The following SAMD5 variants were observed in gnomAD, a reference collection of about 807,000 sequenced individuals.
The protein encoded by SAMD5 is sterile alpha motif domain-containing protein 5.
Under a neutral mutation model 11.3 loss-of-function variants are expected in SAMD5, and 13 were observed. That is an observed-to-expected ratio of 1.15 (90% CI 0.75 to 1.83). The LOEUF is 1.83. SAMD5 is among the 40% of genes most tolerant of loss of function. SAMD5 has a pLI of 0.00. For missense variants in SAMD5, 255 were observed against 239.1 expected, an observed-to-expected ratio of 1.07 and a Z score of -0.44; for synonymous variants, 129 against 111.3, an observed-to-expected ratio of 1.16 and a Z score of -1.00.
chr6:147,652,254 G>T (rs1388677400), intron 1 of SAMD5, among the ~76,000 whole-genome samples: 1 of 150,588 alleles, frequency 6.6e-6, no homozygotes, highest in Non-Finnish European at 1.5e-5. Context: ...TCCAAATATT[G>T]CCTCTGGTTT....
intron 1 of SAMD5, among the ~76,000 whole-genome samples, chr6:147,523,024 G>A (rs139808928): frequency 6.6e-6 from 1 of 152,190 alleles, no homozygotes; most frequent in East Asian, 1.9e-4. Context: ...ATTCCTCCCA[G>A]GTTCTGGAAT....
At chr6:147,822,212 G>T in the SAMD5 span, among the ~76,000 whole-genome samples, 1 of 152,156 alleles carries the variant, frequency 6.6e-6, no homozygotes, top group Non-Finnish European at 1.5e-5. Context: ...GTCCAAACTG[G>T]TGTAATTCTT....
intron 1 of SAMD5, among the ~76,000 whole-genome samples, chr6:147,523,780 T>G (rs1227235874): frequency 2.0e-5 from 3 of 152,338 alleles, no homozygotes; most frequent in East Asian, 3.9e-4. Flanking sequence ...GATAATTTGC[T>G]AATCTGTTAA....
At chr6:147,828,569 C>A in the SAMD5 span, among the ~76,000 whole-genome samples, 1 of 152,144 alleles carries the variant, frequency 6.6e-6, no homozygotes, top group African/African-American at 2.4e-5. Context: ...AACCTCTGAG[C>A]CTATGTCTTC....
chr6:147,741,566 G>A (rs1475446055), downstream of SAMD5: 1 of 152,224 alleles, frequency 6.6e-6, no homozygotes, highest in East Asian at 1.9e-4. Flanking sequence ...CGTGAATGCT[G>A]GTTTTGAATG....
intron 1 of SAMD5, among the ~76,000 whole-genome samples, chr6:147,705,194 G>T (rs1791308941): frequency 1.3e-5 from 2 of 152,118 alleles, no homozygotes; most frequent in Non-Finnish European, 2.9e-5. Flanking sequence ...TTCTTCTCCT[G>T]TATAAAAACC....
At chr6:147,790,748 CTCTCTCTTTCTCTCTCTCTCTT>C in the SAMD5 span, among the ~76,000 whole-genome samples, 4 of 81,874 alleles carry the variant, frequency 4.9e-5, no homozygotes, top group African/African-American at 1.5e-4. Flanking sequence ...CTCTCTCTCT[CTCTCTCTTTCTCTCTCTCTCTT>C]TCTCTCTCTC....
intron 1 of SAMD5, among the ~76,000 whole-genome samples, chr6:147,718,449 T>C (rs545478840): frequency 4.1e-4 from 62 of 152,320 alleles, no homozygotes; most frequent in African/African-American, 1.4e-3. Flanking sequence ...GCTGCCGAAG[T>C]GTGTCCTTAG....
chr6:147,885,411 C>T, the SAMD5 span, among the ~76,000 whole-genome samples: 23,741 of 152,090 alleles, frequency 0.16, 3,406 homozygotes, highest in African/African-American at 0.37. Context: ...AATTTTGACA[C>T]AACCCTTTTT....
chr6:147,744,152 T>G, the SAMD5 span, among the ~76,000 whole-genome samples: 2 of 152,214 alleles, frequency 1.3e-5, no homozygotes, highest in Admixed American at 6.5e-5. Flanking sequence ...TAATATTCTT[T>G]CAATCTTAGT....
At chr6:147,799,285 A>C in the SAMD5 span, among the ~76,000 whole-genome samples, 1 of 151,802 alleles carries the variant, frequency 6.6e-6, no homozygotes, top group Non-Finnish European at 1.5e-5. Flanking sequence ...ATCTCTCAGC[A>C]TTTGCTTGTC....
chr6:147,515,295 G>T (rs781224273), intron 1 of SAMD5, among the ~76,000 whole-genome samples: 1 of 136,906 alleles, frequency 7.3e-6, no homozygotes, highest in Non-Finnish European at 1.5e-5. Flanking sequence ...TTCTGCCTTT[G>T]TGTACTCCTC....
intron 1 of SAMD5, among the ~76,000 whole-genome samples, chr6:147,581,125 C>T (rs1450041019): frequency 6.6e-6 from 1 of 152,188 alleles, no homozygotes; most frequent in Non-Finnish European, 1.5e-5. Flanking sequence ...GATGTGATCC[C>T]TCCTCACTGC....
chr6:147,796,226 C>T, the SAMD5 span, among the ~76,000 whole-genome samples: 1 of 151,372 alleles, frequency 6.6e-6, no homozygotes, highest in African/African-American at 2.4e-5. Context: ...TTTAATCCAT[C>T]TTGAATTGAT....
At chr6:147,607,244 A>C (rs1789717076) in intron 1 of SAMD5, among the ~76,000 whole-genome samples, 1 of 152,210 alleles carries the variant, frequency 6.6e-6, no homozygotes, top group Non-Finnish European at 1.5e-5. Flanking sequence ...ATATTGTTAA[A>C]ATGTCCATAC....
the SAMD5 span, among the ~76,000 whole-genome samples, chr6:147,819,418 T>C: frequency 6.6e-6 from 1 of 152,084 alleles, no homozygotes; most frequent in African/African-American, 2.4e-5. Flanking sequence ...ATAACAAAGC[T>C]GCACATACAC....
intron 1 of SAMD5, among the ~76,000 whole-genome samples, chr6:147,661,503 A>G (rs1790648067): frequency 6.6e-6 from 1 of 152,158 alleles, no homozygotes; most frequent in Non-Finnish European, 1.5e-5. Context: ...ATTATTAGTC[A>G]CTCTCAAATG....
intron 1 of SAMD5, among the ~76,000 whole-genome samples, chr6:147,610,240 T>C (rs887057647): frequency 1.3e-5 from 2 of 152,186 alleles, no homozygotes; most frequent in African/African-American, 4.8e-5. Context: ...AATGGATCAT[T>C]TACCTGAAGC....
the SAMD5 span, among the ~76,000 whole-genome samples, chr6:147,946,134 C>T: frequency 6.6e-6 from 1 of 152,168 alleles, no homozygotes; most frequent in African/African-American, 2.4e-5. Context: ...TGATATGTCA[C>T]ACCCTTCTCT....
Sources: gnomAD v4.1 joint callset for allele counts (sites outside exome capture counted in the v4.1 genomes callset) on GRCh38, gnomAD v4.1.1 for gene constraint, MANE v1.5 for transcripts, NCBI Gene and HGNC (gene_info 2026-07-23, HGNC 2026-07-21) for gene names.